The following NFYC variants were observed in gnomAD, a reference collection of about 807,000 sequenced individuals.
NFYC encodes nuclear transcription factor Y subunit gamma.
NFYC carries 25 observed loss-of-function variants against 53.1 expected under a neutral mutation model. The observed-to-expected ratio is 0.47, with a 90% confidence interval of 0.34 to 0.66. The LOEUF is 0.66. Among genes scored for constraint, NFYC ranks in the 30% least tolerant of loss-of-function variants. The pLI, the probability that NFYC is intolerant of heterozygous loss-of-function variation, is 0.01. For synonymous variants in NFYC, 145 were observed against 152.6 expected (o/e 0.95, Z 0.37); for missense variants, 260 against 422.7 (o/e 0.62, Z 3.38).
intron 3 of NFYC, 99 bp from the exon 4 acceptor site, chr1:40,749,474 A>T: frequency 1.2e-6 from 1 of 859,394 alleles, no homozygotes. Context: ...TCATTTTTTG[A>T]CCCTTGCCCC....
intron 1 of NFYC, among the ~76,000 whole-genome samples, chr1:40,703,146 G>A (rs1023274089): frequency 8.6e-5 from 13 of 151,988 alleles, no homozygotes; most frequent in African/African-American, 1.7e-4. Context: ...AACTTGAACC[G>A]AAACTTAAAA....
chr1:40,739,781 C>G (rs548457559), intron 2 of NFYC, among the ~76,000 whole-genome samples: 10 of 152,266 alleles, frequency 6.6e-5, no homozygotes, highest in African/African-American at 2.2e-4. Context: ...GGACATAGTG[C>G]TTGATTCTTT....
intron 8 of NFYC, 126 bp downstream of exon 8, chr1:40,766,829 A>G: frequency 6.7e-7 from 1 of 1,484,466 alleles, no homozygotes; most frequent in Non-Finnish European, 9.2e-7. Flanking sequence ...CCACCCCCAC[A>G]CCCTCCATAT....
intron 2 of NFYC, among the ~76,000 whole-genome samples, chr1:40,741,032 T>C (rs1273606549): frequency 6.6e-6 from 1 of 152,174 alleles, no homozygotes; most frequent in East Asian, 1.9e-4. Flanking sequence ...GTTATGGAAC[T>C]TACCTTGAGA....
chr1:40,741,305 C>G (rs1645329107), intron 2 of NFYC, among the ~76,000 whole-genome samples: 2 of 152,136 alleles, frequency 1.3e-5, no homozygotes. Context: ...TTATGAGATA[C>G]TCAACACTTT....
intron 1 of NFYC, among the ~76,000 whole-genome samples, chr1:40,711,564 C>T (rs1441029973): frequency 3.9e-5 from 6 of 152,130 alleles, no homozygotes; most frequent in African/African-American, 9.7e-5. Context: ...TGCCTCTAGC[C>T]GAGGTTCTTC....
At chr1:40,758,060 C>G in intron 5 of NFYC, 61 bp from the exon 6 acceptor site, 1 of 1,585,514 alleles carries the variant, frequency 6.3e-7, no homozygotes, top group East Asian at 2.2e-5. Flanking sequence ...AGTGGAAATT[C>G]ACTGTGGCGG....
intron 6 of NFYC, among the ~76,000 whole-genome samples, chr1:40,759,009 G>A (rs1023553371): frequency 2.0e-5 from 3 of 152,118 alleles, no homozygotes; most frequent in African/African-American, 4.8e-5. Flanking sequence ...AATTTAGTTG[G>A]GGATACAAAT....
intron 2 of NFYC, among the ~76,000 whole-genome samples, chr1:40,741,600 C>CTT (rs889135776): frequency 6.9e-6 from 1 of 143,998 alleles, no homozygotes; most frequent in Non-Finnish European, 1.5e-5. Flanking sequence ...TATCTTTTTT[C>CTT]TTTTTTTTTT....
intron 1 of NFYC, among the ~76,000 whole-genome samples, chr1:40,713,697 C>T (rs560639238): frequency 1.8e-4 from 27 of 152,326 alleles, no homozygotes; most frequent in African/African-American, 6.0e-4. Flanking sequence ...TAATCCAAGT[C>T]TTTCAGCTTT....
chr1:40,724,245 A>G (rs1644428165), intron 1 of NFYC, among the ~76,000 whole-genome samples: 1 of 152,116 alleles, frequency 6.6e-6, no homozygotes, highest in South Asian at 2.1e-4. Context: ...GCGGGTGCCT[A>G]TAATCCCAGC....
intron 1 of NFYC, chr1:40,712,618 G>T (rs1643968894): frequency 6.8e-6 from 1 of 147,556 alleles, no homozygotes; most frequent in Non-Finnish European, 1.5e-5. Flanking sequence ...GGTAATTATA[G>T]CCTGCTGTAT....
chr1:40,751,713 T>C (rs1452290556), intron 4 of NFYC, among the ~76,000 whole-genome samples: 1 of 152,188 alleles, frequency 6.6e-6, no homozygotes, highest in Non-Finnish European at 1.5e-5. Flanking sequence ...AACTTAAGTA[T>C]ATCTATGTTT....
At chr1:40,757,427 C>T in intron 5 of NFYC, 1 of 507,426 alleles carries the variant, frequency 2.0e-6, no homozygotes, top group South Asian at 1.5e-5. Flanking sequence ...CAGAATGCGA[C>T]CTCCCTAATC....
At chr1:40,717,636 T>C (rs529610891) in intron 1 of NFYC, among the ~76,000 whole-genome samples, 10 of 152,358 alleles carry the variant, frequency 6.6e-5, no homozygotes, top group African/African-American at 2.4e-4. Flanking sequence ...TTCCTTAGAA[T>C]CTGGTGACCT....
chr1:40,754,328 G>A (rs1479133994), intron 5 of NFYC: 1 of 534,468 alleles, frequency 1.9e-6, no homozygotes, highest in Admixed American at 1.9e-5. Context: ...AGAGTAGGGT[G>A]TGCCTCACTG....
chr1:40,743,820 TTTAG>T (rs1645472682), intron 2 of NFYC, among the ~76,000 whole-genome samples: 1 of 152,178 alleles, frequency 6.6e-6, no homozygotes, highest in Non-Finnish European at 1.5e-5. Flanking sequence ...TTGATGCTGA[TTTAG>T]TAGGTTAGGA....
intron 5 of NFYC, among the ~76,000 whole-genome samples, chr1:40,756,363 C>G (rs1646220859): frequency 6.6e-6 from 1 of 152,130 alleles, no homozygotes; most frequent in Non-Finnish European, 1.5e-5. Flanking sequence ...TTAGCATAAT[C>G]ATATTGAGGG....
chr1:40,753,679 A>C (rs1646039859), intron 5 of NFYC, among the ~76,000 whole-genome samples: 1 of 152,180 alleles, frequency 6.6e-6, no homozygotes, highest in Non-Finnish European at 1.5e-5. Flanking sequence ...ATATCTTTAT[A>C]TAGTACCCTG....
Sources: allele counts gnomAD v4.1 joint callset (sites outside exome capture counted in the v4.1 genomes callset), GRCh38; gene constraint gnomAD v4.1.1; transcripts MANE v1.5; gene names NCBI Gene and HGNC (gene_info 2026-07-23, HGNC 2026-07-21).